The following KIF18B variants were observed in gnomAD, a reference collection of about 807,000 sequenced individuals.
KIF18B encodes kinesin family member 18B, also known as kinesin-like protein KIF18B.
In KIF18B, 49 loss-of-function variants were observed where a neutral mutation model predicts 80.9. That is an observed-to-expected ratio of 0.61 (90% confidence interval 0.48 to 0.77). The LOEUF (loss-of-function observed/expected upper bound fraction) is 0.77. Among genes scored for constraint, KIF18B ranks in the 30% least tolerant of loss-of-function variants. KIF18B has a pLI of 0.00. For synonymous variants in KIF18B, 439 were observed against 463.9 expected, an observed-to-expected ratio of 0.95 and a Z score of 0.69; for missense variants, 994 against 1,127.7, an observed-to-expected ratio of 0.88 and a Z score of 1.70.
intron 1 of KIF18B, among the ~76,000 whole-genome samples, chr17:44,939,948 C>T (rs1182034949): frequency 2.0e-5 from 3 of 152,188 alleles, no homozygotes; most frequent in East Asian, 1.9e-4. Flanking sequence ...GGATTACAGG[C>T]GTGTGCCACC....
At position 44,932,972 on chromosome 17, in the gene KIF18B, C is replaced by A; in HGVS notation, c.1077G>T (p.Val359=). The A allele has an allele frequency of 1.9e-6, 3 of 1,605,002 alleles. No homozygotes were observed. In the South Asian group the frequency reaches 3.3e-5, roughly 18 times the overall value. ...KEIRLSLKSN[V]TSLDCHISQY... is the part of the protein sequence containing the mutation. ...GGCTGATGTGACAGTCCAGGCTGGT[C>A]ACATTGCTCTTCAGCTGAGATGGGG... The change falls in exon 8 of 16, where the codon GTG becomes GTT. Residue 359 remains valine, a synonymous_variant. Transcript: ENST00000593135.
In KIF18B at chr17:44,937,224, CA is replaced by C. The variant is rs1433192201; in HGVS notation, c.-14-867del. Among the ~76,000 whole-genome samples the C allele has an allele frequency of 9.3e-4, 141 of 152,248 alleles. 3 individuals carry two copies. The South Asian group carries it at 0.028, about 31-fold the overall frequency. On this transcript the variant is annotated intron_variant, in intron 1 of 15. Transcript: ENST00000593135. ...AAGAAAATTTTATCAATTCTACCCC[CA>C]ACCTAGAGCCCTCTCCTCCCTCAAA...
chr17:44,931,013 G>A (rs866669656), intron 11 of KIF18B, among the ~76,000 whole-genome samples: 1 of 152,142 alleles, frequency 6.6e-6, no homozygotes, highest in South Asian at 2.1e-4. Context: ...GGAAGAGCGG[G>A]ATGGCAGTAA....
At position 44,926,458 on chromosome 17, in the gene KIF18B, G is replaced by T; in HGVS notation, c.2408C>A (p.Pro803His). 6.3e-7 allele frequency: 1 copy of T among 1,589,102 alleles called. No individual in the cohort carries two copies. The change falls in exon 15 of 16, where the codon CCC becomes CAC. Residue 803 changes from proline (P) to histidine (H), a missense_variant. By Grantham distance (77) the Pro-to-His change is moderately conservative. Transcript: ENST00000593135. ...AGCTGGCCTCTTCAAAGTGCTGCTG[G>T]GGAGGCGGGCGATGCGGCTGCGGCC... ...SHGRSRIARL[P>H]SSTLKRPAGP...
chr17:44,937,783 GAAT>G (rs1437633581), intron 1 of KIF18B, among the ~76,000 whole-genome samples: 1 of 151,994 alleles, frequency 6.6e-6, no homozygotes, highest in South Asian at 2.1e-4. Context: ...AAACAATGTT[GAAT>G]AATAATGATG....
Position 44,934,500 on chromosome 17 carries a change from AC to A in KIF18B, c.687+6del. ...CACTGGTTTCAGGCTCTGACCCATG[AC>A]CTCACCTGGAAGATGGCATGGGAGC... On this transcript the variant is annotated splice_donor_region_variant and intron_variant, in intron 5 of 15. Transcript: ENST00000593135. This position sits in a 1 kb window ranked among gnomAD's most constrained non-coding sequence, Gnocchi z 5.4. 1 of 1,610,490 alleles carries A rather than the reference AC, an allele frequency of 6.2e-7. No individual in the cohort carries two copies. The highest frequency in any genetic ancestry group is 8.5e-7 in the Non-Finnish European group (1 of 1,178,124).
chr17:44,931,428 T>C (rs2052143424), intron 11 of KIF18B, among the ~76,000 whole-genome samples, 174 bp downstream of exon 11: 2 of 152,008 alleles, frequency 1.3e-5, no homozygotes, highest in Non-Finnish European at 2.9e-5. Context: ...TACATAGAGG[T>C]GATAAGTTAA....
rs374025114 is a variant in KIF18B, at chr17:44,936,075, C to T, written c.270G>A (p.Thr90=). 10 of 1,613,772 alleles carry T rather than the reference C, an allele frequency of 6.2e-6. No homozygotes were observed. The East Asian group carries it at 1.6e-4, about 25-fold the overall frequency. ...ATQQDVFQHT[T]HSVLDSFLQG... ...GGAGGAAGCTGTCCAGGACGCTGTG[C>T]GTGGTGTGCTGGAACACGTCCTGTT... The change falls in exon 2 of 16, where the codon ACG becomes ACA. Residue 90 remains threonine (T), a synonymous_variant. Transcript: ENST00000593135.
At chr17:44,945,380 A>G (rs2052491378) in intron 1 of KIF18B, among the ~76,000 whole-genome samples, 2 of 152,046 alleles carry the variant, frequency 1.3e-5, no homozygotes, top group African/African-American at 4.8e-5. Flanking sequence ...TTTATATTCT[A>G]CATATGTTCT....
Position 44,934,210 on chromosome 17 carries a change from A to G in KIF18B, c.885+23T>C, listed in dbSNP as rs1464626839. The G allele has an allele frequency of 6.2e-7, 1 of 1,600,018 alleles. No homozygotes were observed. The highest frequency in any genetic ancestry group is 1.3e-5 in the African/African-American group (1 of 74,738). ...GGTGCTCAGTTGCTATCCTGGGGAG[A>G]ATACTGGCCTGTGCTGCTTTACCTT... On this transcript the variant is annotated intron_variant, in intron 6 of 15. Coordinates refer to ENST00000593135, the MANE Select transcript of KIF18B (RefSeq NM_001265577.2). The surrounding 1 kb of genome is among the most constrained non-coding windows in gnomAD (Gnocchi z 5.4).
intron 11 of KIF18B, among the ~76,000 whole-genome samples, chr17:44,930,500 G>A (rs1378194741): frequency 6.6e-6 from 1 of 152,166 alleles, no homozygotes; most frequent in Non-Finnish European, 1.5e-5. Context: ...TCAGTACCTA[G>A]TGGTCCAAGA....
In KIF18B at chr17:44,934,548, C is replaced by T; in HGVS notation, c.646G>A (p.Asp216Asn). 6.2e-7 allele frequency: 1 copy of T among 1,613,100 alleles called. No homozygotes were observed. The highest frequency in any genetic ancestry group is 8.5e-7 in the Non-Finnish European group (1 of 1,179,584). ...GAGCGGGAGGAAGTCGCGTTGGCAT[C>T]AGTGGGGTGCTGCGTGCGGTTACGG... is the stretch of plus-strand genomic sequence containing the variant. ...GNRNRTQHPT[D>N]ANATSSRSHA... is the part of the protein sequence containing the mutation. The change falls in exon 5 of 16, where the codon GAT becomes AAT. Residue 216 changes from aspartate to asparagine, a missense_variant. Physicochemically the swap from Asp to Asn is conservative, Grantham distance 23. Coordinates refer to ENST00000593135, the MANE Select transcript of KIF18B (RefSeq NM_001265577.2). The surrounding 1 kb of genome is among the most constrained non-coding windows in gnomAD (Gnocchi z 5.4).
intron 1 of KIF18B, among the ~76,000 whole-genome samples, chr17:44,940,896 C>T (rs554956733): frequency 1.3e-5 from 2 of 152,298 alleles, no homozygotes; most frequent in South Asian, 2.1e-4. Context: ...AAGATATCAA[C>T]CAACCATAAT....
At chr17:44,940,479 T>C (rs2052394705) in intron 1 of KIF18B, among the ~76,000 whole-genome samples, 1 of 152,200 alleles carries the variant, frequency 6.6e-6, no homozygotes, top group Non-Finnish European at 1.5e-5. Context: ...CATTCACTCT[T>C]ATATCATCCC....
At chr17:44,928,798 G>A in intron 12 of KIF18B, 21 bp downstream of exon 12, 2 of 1,609,916 alleles carry the variant, frequency 1.2e-6, no homozygotes, top group South Asian at 1.1e-5. Context: ...GACAGGCAGG[G>A]GAGAGCAGGA....
Position 44,936,192 on chromosome 17 carries a change from G to T in KIF18B, c.153C>A (p.Gly51=). ...NPEEPDGGFP[G]LKWGGTHDGP... ...CATCATGGGTGCCACCCCATTTCAG[G>T]CCAGGGAACCCTCCATCGGGCTCCT... The change falls in exon 2 of 16, where the codon GGC becomes GGA. Residue 51 remains glycine (G), a synonymous_variant. Transcript: ENST00000593135. 3 of 1,612,644 alleles carry T rather than the reference G, an allele frequency of 1.9e-6. No individual in the cohort carries two copies. The highest frequency in any genetic ancestry group is 1.7e-5 in the Admixed American group (1 of 59,848).
chr17:44,932,048 A>G lies in KIF18B; in HGVS notation c.1389+8T>C. On this transcript the variant is annotated splice_region_variant and intron_variant, in intron 10 of 15. Coordinates refer to ENST00000593135, the MANE Select transcript of KIF18B (RefSeq NM_001265577.2). ...CCGATACCCAGGCCTCACACCCCCA[A>G]GTCCTACCTCCTCAGCTGGGCCTTC... is the stretch of plus-strand genomic sequence containing the variant. 1 of 1,604,986 alleles carries G rather than the reference A, an allele frequency of 6.2e-7. No homozygotes were observed. Among genetic ancestry groups the G allele is most frequent in the Middle Eastern group, 1.7e-4 (1 of 6,018 alleles).
chr17:44,937,515 C>CTGT (rs2052333480), intron 1 of KIF18B, among the ~76,000 whole-genome samples: 2 of 152,098 alleles, frequency 1.3e-5, no homozygotes, highest in African/African-American at 4.8e-5. Flanking sequence ...TTAATTGCTC[C>CTGT]CGTGGATGGA....
intron 1 of KIF18B, 122 bp downstream of exon 1, chr17:44,947,506 C>A (rs1398663724): frequency 6.6e-6 from 1 of 152,362 alleles, no homozygotes; most frequent in Non-Finnish European, 1.5e-5. Context: ...CCGCGCCGCA[C>A]CTTGACGTCC....
Sources: allele counts gnomAD v4.1 joint callset (sites outside exome capture counted in the v4.1 genomes callset), GRCh38; gene constraint gnomAD v4.1.1; non-coding constraint Gnocchi (gnomAD v3.1); transcripts MANE v1.5; gene names NCBI Gene and HGNC (gene_info 2026-07-23, HGNC 2026-07-21).